Variants in SLC25A16 observed in about 807,000 individuals in gnomAD.
SLC25A16 encodes mitochondrial coenzyme A transporter SLC25A16.
A neutral mutation model predicts 41.5 loss-of-function variants in SLC25A16; 39 were observed. The observed-to-expected ratio is 0.94, with a 90% CI of 0.73 to 1.23. The LOEUF (loss-of-function observed/expected upper bound fraction) is 1.23. Among genes scored for constraint, SLC25A16 ranks in the 50% most tolerant of loss-of-function variants. The pLI, the probability that SLC25A16 is intolerant of heterozygous loss-of-function variation, is 0.00. For synonymous variants in SLC25A16, 146 were observed against 147.8 expected (o/e 0.99, Z 0.09); for missense variants, 421 against 426.9 (o/e 0.99, Z 0.12).
intron 4 of SLC25A16, among the ~76,000 whole-genome samples, chr10:68,501,496 CA>C (rs911528868): frequency 5.3e-4 from 32 of 60,902 alleles, no homozygotes; most frequent in African/African-American, 9.9e-4. Flanking sequence ...CAAACAAAAA[CA>C]AAAAAAAAAG....
At chr10:68,507,870 T>A (rs1228487414) in intron 2 of SLC25A16, among the ~76,000 whole-genome samples, 1 of 152,184 alleles carries the variant, frequency 6.6e-6, no homozygotes, top group African/African-American at 2.4e-5. Flanking sequence ...ATTAAAATTG[T>A]AGGTACTTAT....
rs117477119 is a variant in SLC25A16 at position 68,514,134 on chromosome 10, A to G, written c.223+2617T>C. Reference sequence around the variant, plus strand: ...CTTGAACCCTGGAGGAGGAGGTTTCAATGAGCCAAGATCATGCCACAGTAC... The same window carrying G: ...CTTGAACCCTGGAGGAGGAGGTTTCGATGAGCCAAGATCATGCCACAGTAC... On this transcript the variant is annotated intron_variant, in intron 2 of 8. Transcript: ENST00000609923. Among the ~76,000 whole-genome samples, 720 of 152,202 alleles carry G rather than the reference A, an allele frequency of 4.7e-3. 40 individuals are homozygous for G. The East Asian group carries it at 0.12, about 25-fold the overall frequency.
At chr10:68,485,248 C>A (rs979752403) in intron 8 of SLC25A16, among the ~76,000 whole-genome samples, 1 of 152,060 alleles carries the variant, frequency 6.6e-6, no homozygotes, top group Non-Finnish European at 1.5e-5. Flanking sequence ...CACCGCCACA[C>A]CCAGCTAATT....
chr10:68,492,091 A>G (rs1168553808), intron 6 of SLC25A16, among the ~76,000 whole-genome samples: 1 of 152,172 alleles, frequency 6.6e-6, no homozygotes, highest in Non-Finnish European at 1.5e-5. Flanking sequence ...AAGTGCTGGG[A>G]TTACAGGCTT....
chr10:68,488,971 T>C (rs1395171799), intron 6 of SLC25A16, among the ~76,000 whole-genome samples: 1 of 152,102 alleles, frequency 6.6e-6, no homozygotes, highest in East Asian at 1.9e-4. Context: ...CAACTTAACA[T>C]TTAAAATAAC....
chr10:68,524,175 T>C (rs1294053078), intron 1 of SLC25A16, among the ~76,000 whole-genome samples: 1 of 151,224 alleles, frequency 6.6e-6, no homozygotes, highest in Non-Finnish European at 1.5e-5. Context: ...CCGGGCGTGG[T>C]GGCGGGCGCC....
chr10:68,520,504 C>T (rs1015129383), intron 1 of SLC25A16, among the ~76,000 whole-genome samples: 8 of 151,936 alleles, frequency 5.3e-5, no homozygotes, highest in Admixed American at 2.0e-4. Context: ...GGTGAAACCC[C>T]GTCTCTACTA....
rs1489486796 is a variant in SLC25A16, at chr10:68,481,160, T to C, written c.*2272A>G. 6.6e-6 allele frequency: 1 copy of C among 151,936 alleles called. No individual in the cohort carries two copies. The highest frequency in any genetic ancestry group is 2.4e-5 in the African/African-American group (1 of 41,366). The allele number at this position is 151,936 out of a possible 1,614,324, so 9.4% of individuals were successfully genotyped here. A position where few individuals can be genotyped will look rare whatever the true frequency, so the allele number is the denominator to read the frequency against. The stretch of plus-strand genomic sequence containing the variant: ...CCACCATGCCCGGCTGATTTTTGTA[T>C]TTTTAGTAGAGACAGGGTTTCTCCA... On this transcript the variant is annotated 3_prime_UTR_variant, in exon 9 of 9. Coordinates refer to ENST00000609923, the MANE Select transcript of SLC25A16 (RefSeq NM_152707.4).
chr10:68,512,963 T>C (rs1261509605), intron 2 of SLC25A16, among the ~76,000 whole-genome samples: 1 of 151,804 alleles, frequency 6.6e-6, no homozygotes, highest in African/African-American at 2.4e-5. Context: ...TGCTTGAACC[T>C]GGGAGGCGGA....
intron 2 of SLC25A16, among the ~76,000 whole-genome samples, chr10:68,510,878 A>C (rs1306687229): frequency 6.6e-6 from 1 of 152,152 alleles, no homozygotes; most frequent in African/African-American, 2.4e-5. Flanking sequence ...GAGCAAAATT[A>C]AAAAAACTAT....
At position 68,482,980 on chromosome 10, in the gene SLC25A16, A is replaced by G. The variant is rs910221540; in HGVS notation, c.*452T>C. On this transcript the variant is annotated 3_prime_UTR_variant, in exon 9 of 9. Transcript: ENST00000609923. ...GAGAGATAACAAAAATAAAATGTCA[A>G]TGCTGGCTGTTTCATAGAACTTAAA... 3.3e-5 allele frequency: 5 copies of G among 152,344 alleles called. No homozygotes were observed. Among genetic ancestry groups the G allele is most frequent in the Admixed American group, 1.3e-4 (2 of 15,266 alleles). 9.4% of individuals were successfully genotyped at this position (152,344 alleles called of 1,614,324 possible).
At position 68,478,911 on chromosome 10, in the gene SLC25A16, CCAT is replaced by C. The variant is rs1231640630; in HGVS notation, c.*4518_*4520del. The C allele has an allele frequency of 1.3e-5, 2 of 152,084 alleles. No homozygotes were observed. Among genetic ancestry groups the C allele is most frequent in the Admixed American group, 1.3e-4 (2 of 15,230 alleles). The allele number at this position is 152,084 out of a possible 1,614,324, so 9.4% of individuals were successfully genotyped here. On this transcript the variant is annotated 3_prime_UTR_variant, in exon 9 of 9. Coordinates refer to ENST00000609923, the MANE Select transcript of SLC25A16 (RefSeq NM_152707.4). Reference sequence around the variant, plus strand: ...TAGCTGGGACTACAGGCGCCCACCACCATGCCTGGCTAATTTTTATATTTTTAG... The same window carrying C: ...TAGCTGGGACTACAGGCGCCCACCACGCCTGGCTAATTTTTATATTTTTAG...
intron 3 of SLC25A16, among the ~76,000 whole-genome samples, chr10:68,505,683 A>C (rs768594332): frequency 6.6e-6 from 1 of 152,152 alleles, no homozygotes; most frequent in Non-Finnish European, 1.5e-5. Flanking sequence ...GCAGTGAGCC[A>C]AGATCATGTC....
intron 7 of SLC25A16, 140 bp downstream of exon 7, chr10:68,488,327 A>C (rs751176390): frequency 4.4e-4 from 243 of 553,426 alleles, no homozygotes; most frequent in Admixed American, 6.4e-4. Flanking sequence ...CATCTGAAAA[A>C]ATGTATTAAA....
chr10:68,479,982 G>A lies in SLC25A16; in HGVS notation c.*3450C>T, dbSNP rs1020530738. On this transcript the variant is annotated 3_prime_UTR_variant, in exon 9 of 9. Transcript: ENST00000609923. ...GCCGAGATTGCACCACTGCACTCCA[G>A]CTTGGGTGACAGAGTTAAGACTCTC... is the stretch of plus-strand genomic sequence containing the variant. The A allele has an allele frequency of 6.6e-6, 1 of 150,610 alleles. No individual in the cohort carries two copies. Among genetic ancestry groups the A allele is most frequent in the African/African-American group, 2.5e-5 (1 of 40,702 alleles). The allele number at this position is 150,610 out of a possible 1,614,324, so 9.3% of individuals were successfully genotyped here.
intron 4 of SLC25A16, 107 bp from the exon 5 acceptor site, chr10:68,493,677 T>C: frequency 1.1e-6 from 1 of 887,136 alleles, no homozygotes; most frequent in South Asian, 1.6e-5. Flanking sequence ...GAAAACCCAA[T>C]AAAATCAAAG....
chr10:68,497,664 T>C (rs2052772684), intron 4 of SLC25A16, among the ~76,000 whole-genome samples: 1 of 151,212 alleles, frequency 6.6e-6, no homozygotes, highest in African/African-American at 2.4e-5. Context: ...TTACCCAAGC[T>C]GGAACGCTGT....
At chr10:68,493,640 T>G in intron 4 of SLC25A16, 70 bp from the exon 5 acceptor site, 1 of 1,224,302 alleles carries the variant, frequency 8.2e-7, no homozygotes, top group Admixed American at 1.8e-5. Context: ...CTATCATTAG[T>G]ATTATTCTCA....
At chr10:68,486,978 AAAAAG>A in intron 8 of SLC25A16, 161 bp downstream of exon 8, 7 of 412,922 alleles carry the variant, frequency 1.7e-5, no homozygotes, top group South Asian at 1.6e-4. Context: ...AAAAAAAAAA[AAAAAG>A]AACCTGATTG....
Sources: allele counts gnomAD v4.1 joint callset (sites outside exome capture counted in the v4.1 genomes callset), GRCh38; gene constraint gnomAD v4.1.1; transcripts MANE v1.5; gene names NCBI Gene and HGNC (gene_info 2026-07-23, HGNC 2026-07-21).